The following ANO7 variants were observed in gnomAD, a reference collection of about 807,000 sequenced individuals.
ANO7 encodes the protein anoctamin 7, also known as anoctamin-7.
A neutral mutation model predicts 115.8 loss-of-function variants in ANO7; 114 were observed. The observed-to-expected ratio is 0.98, with a 90% CI of 0.85 to 1.15. The LOEUF (loss-of-function observed/expected upper bound fraction) is 1.15, where lower values mean the gene tolerates loss of function less well. Among genes scored for constraint, ANO7 ranks in the 50% most tolerant of loss-of-function variants. The pLI is 0.00. For missense variants in ANO7, 1,302 were observed against 1,201.2 expected, an observed-to-expected ratio of 1.08 and a Z score of -1.24; for synonymous variants, 550 against 498.2, an observed-to-expected ratio of 1.10 and a Z score of -1.38.
intron 13 of ANO7, among the ~76,000 whole-genome samples, chr2:241,210,077 C>T (rs1258910688): frequency 6.6e-6 from 1 of 152,206 alleles, no homozygotes; most frequent in Non-Finnish European, 1.5e-5. Context: ...CAGATGTGGC[C>T]CAGCCTCTAA....
chr2:241,202,614 G>A (rs1293996659), intron 8 of ANO7, among the ~76,000 whole-genome samples: 2 of 152,214 alleles, frequency 1.3e-5, no homozygotes, highest in Non-Finnish European at 2.9e-5. Context: ...GGGAAAGACA[G>A]TGAGGTCTCC....
intron 17 of ANO7, among the ~76,000 whole-genome samples, chr2:241,214,558 G>A (rs1010587553): frequency 2.0e-5 from 3 of 152,178 alleles, no homozygotes; most frequent in Non-Finnish European, 1.5e-5. Flanking sequence ...GAAAACTGGG[G>A]TGCCATTAGG....
intron 15 of ANO7, 127 bp from the exon 16 acceptor site, chr2:241,211,966 CT>C: frequency 6.0e-6 from 4 of 661,240 alleles, no homozygotes; most frequent in Non-Finnish European, 5.4e-6. Context: ...TTGTCTCCTT[CT>C]TTTAAATATC....
rs374908421 is a variant in ANO7 at position 241,209,462 on chromosome 2, G to A, written c.1221+34G>A. On this transcript the variant is annotated intron_variant, in intron 12 of 24. Coordinates refer to ENST00000674324, the MANE Select transcript of ANO7 (RefSeq NM_001370694.2). Reference sequence around the variant, plus strand: ...CCCCCGCTGGACCACGGTCACACCCGGCGAGGGCCGCCACTGAGCACCGGC... The same window carrying A: ...CCCCCGCTGGACCACGGTCACACCCAGCGAGGGCCGCCACTGAGCACCGGC... 4.9e-5 allele frequency: 79 copies of A among 1,598,178 alleles called. 1 individual carries two copies. Among genetic ancestry groups the A allele is most frequent in the African/African-American group, 8.0e-5 (6 of 74,600 alleles).
intron 3 of ANO7, among the ~76,000 whole-genome samples, chr2:241,195,098 C>T (rs760702044): frequency 3.5e-4 from 53 of 152,312 alleles, no homozygotes; most frequent in Admixed American, 1.8e-3. Context: ...CCGTCTTCTT[C>T]CCAAGCTCCA....
Position 241,218,249 on chromosome 2 carries a change from T to C in ANO7, c.2189T>C (p.Leu730Pro). The change falls in exon 21 of 25, where the codon CTG becomes CCG. Residue 730 changes from leucine (L) to proline (P), a missense_variant. Physicochemically the swap from Leu to Pro is moderately conservative, Grantham distance 98. Coordinates refer to ENST00000674324, the MANE Select transcript of ANO7 (RefSeq NM_001370694.2). ...CCCTCCGGCGCCCAGGCCTTCCTCC[T>C]GGCCTTCTCGTCCGACTTCCTGCCG... ...HLAVISNAFL[L>P]AFSSDFLPRA... 1 of 1,521,978 alleles carries C rather than the reference T, an allele frequency of 6.6e-7. No homozygotes were observed. The highest frequency in any genetic ancestry group is 1.2e-5 in the South Asian group (1 of 84,250). 94.3% of individuals were successfully genotyped at this position (1,521,978 alleles called of 1,614,324 possible).
At chr2:241,198,103 A>G (rs2068386758) in intron 4 of ANO7, among the ~76,000 whole-genome samples, 1 of 152,028 alleles carries the variant, frequency 6.6e-6, no homozygotes, top group South Asian at 2.1e-4. Flanking sequence ...CCTGCTGTGG[A>G]CTGAGTTAGT....
At chr2:241,235,294 A>G in the ANO7 span, 1 of 1,613,888 alleles carries the variant, frequency 6.2e-7, no homozygotes, top group Non-Finnish European at 8.5e-7. Context: ...TCAGGACCCC[A>G]GAGAACAGGA....
chr2:241,203,280 G>T lies in ANO7; in HGVS notation c.724-53G>T. ...CTGAAGCCCCTGCACCTACAACAGT[G>T]CCCAGTGGGGTCAGCTGGGGGAGCC... On this transcript the variant is annotated intron_variant, in intron 8 of 24. Coordinates refer to ENST00000674324, the MANE Select transcript of ANO7 (RefSeq NM_001370694.2). The surrounding 1 kb of genome is among the most constrained non-coding windows in gnomAD (Gnocchi z 4.8). The T allele has an allele frequency of 7.1e-7, 1 of 1,411,100 alleles. No homozygotes were observed. Among genetic ancestry groups the T allele is most frequent in the Non-Finnish European group, 9.4e-7 (1 of 1,064,176 alleles). The allele number at this position is 1,411,100 out of a possible 1,614,324, so 87.4% of individuals were successfully genotyped here.
chr2:241,199,223 C>A, intron 4 of ANO7, 93 bp from the exon 5 acceptor site: 2 of 1,089,754 alleles, frequency 1.8e-6, no homozygotes, highest in Non-Finnish European at 1.4e-6. Context: ...TACAGAAATG[C>A]CAGTCTTTTC....
At chr2:241,236,057 T>C in the ANO7 span, 2 of 189,786 alleles carry the variant, frequency 1.1e-5, no homozygotes, top group Non-Finnish European at 2.2e-5. Flanking sequence ...CTGCCCTGTC[T>C]CCCCCACCGC....
Position 241,204,949 on chromosome 2 carries a change from T to C in ANO7, c.974T>C (p.Ile325Thr). 2 of 1,613,930 alleles carry C rather than the reference T, an allele frequency of 1.2e-6. No individual in the cohort carries two copies. Among genetic ancestry groups the C allele is most frequent in the Non-Finnish European group, 1.7e-6 (2 of 1,179,852 alleles). Residue 325 changes from isoleucine (I) to threonine (T), a missense_variant, in exon 10 of 25, where the codon ATA becomes ACA. Transcript: ENST00000674324. The part of the protein sequence containing the change: ...LVGCFLVFSD[I>T]PTQELCGSKD... ...GGCTGCTTCCTGGTGTTCTCAGACA[T>C]ACCCACGTGAGTGTTCCCTCTCCGC... is the stretch of plus-strand genomic sequence containing the variant.
At chr2:241,221,341 G>A (rs1037491529) in intron 21 of ANO7, among the ~76,000 whole-genome samples, 4 of 151,656 alleles carry the variant, frequency 2.6e-5, no homozygotes, top group African/African-American at 4.8e-5. Context: ...CTCCCAAAGT[G>A]CTGGGATTAC....
chr2:241,235,649 G>T, the ANO7 span: 8 of 1,284,124 alleles, frequency 6.2e-6, no homozygotes, highest in East Asian at 1.2e-4. Context: ...GAGTGACGTT[G>T]TAAGCTCAGC....
At chr2:241,199,178 C>T in intron 4 of ANO7, 138 bp from the exon 5 acceptor site, 1 of 765,298 alleles carries the variant, frequency 1.3e-6, no homozygotes, top group East Asian at 2.7e-5. Flanking sequence ...TGTCATGTAT[C>T]AAATAGGAGA....
chr2:241,217,815 T>TGGCCGA lies in ANO7; in HGVS notation c.2104_2109dup (p.Ala702_Glu703dup). On this transcript the variant is annotated inframe_insertion, in exon 20 of 25. Transcript: ENST00000674324. ...TTCGTCTGCGAGTACCGGCGCCCGG[T>TGGCCGA]GGCCGAGCGCGCCCAGGACATCGGC... The TGGCCGA allele has an allele frequency of 1.2e-6, 2 of 1,609,800 alleles. No individual in the cohort carries two copies. The highest frequency in any genetic ancestry group is 2.2e-5 in the South Asian group (2 of 90,678).
chr2:241,190,227 C>A, intron 2 of ANO7, 56 bp downstream of exon 2: 2 of 1,447,132 alleles, frequency 1.4e-6, no homozygotes, highest in South Asian at 2.6e-5. Context: ...CTGCCTGGGT[C>A]TATGCCCCCA....
chr2:241,203,226 C>A lies in ANO7; in HGVS notation c.724-107C>A. 1.1e-6 allele frequency: 1 copy of A among 872,988 alleles called. No homozygotes were observed. The highest frequency in any genetic ancestry group is 1.7e-6 in the Non-Finnish European group (1 of 601,616). The allele number at this position is 872,988 out of a possible 1,614,324, so 54.1% of individuals were successfully genotyped here. A position where few individuals can be genotyped will look rare whatever the true frequency, so the allele number is the denominator to read the frequency against. On this transcript the variant is annotated intron_variant, in intron 8 of 24. Coordinates refer to ENST00000674324, the MANE Select transcript of ANO7 (RefSeq NM_001370694.2). The surrounding 1 kb of genome is among the most constrained non-coding windows in gnomAD (Gnocchi z 4.8). ...TTTTTCTTCATGGAGCAATCCCAGACTCCCAGGCCTGTCTGCCCATGTCCC... is the reference window on the plus strand; with the variant it reads ...TTTTTCTTCATGGAGCAATCCCAGAATCCCAGGCCTGTCTGCCCATGTCCC...
chr2:241,214,782 T>C (rs1190258093), intron 17 of ANO7, 23 bp from the exon 18 acceptor site: 4 of 1,606,326 alleles, frequency 2.5e-6, no homozygotes, highest in Non-Finnish European at 3.4e-6. Context: ...CTCTCCCAGC[T>C]AACCTGAGCC....
Sources: gnomAD v4.1 joint callset for allele counts (sites outside exome capture counted in the v4.1 genomes callset) on GRCh38, gnomAD v4.1.1 for gene constraint, Gnocchi (gnomAD v3.1) non-coding constraint, MANE v1.5 for transcripts, NCBI Gene and HGNC (gene_info 2026-07-23, HGNC 2026-07-21) for gene names.